Variants in CASR observed in about 807,000 individuals in gnomAD.
CASR encodes calcium sensing receptor.
In CASR, 23 loss-of-function variants were observed where a neutral mutation model predicts 69.1. That is an observed-to-expected ratio of 0.33 (90% CI 0.24 to 0.47). The LOEUF is 0.47. Ranked by LOEUF, CASR falls within the 20% of genes least tolerant of loss-of-function variation. The pLI, the probability that CASR is intolerant of heterozygous loss-of-function variation, is 1.00. For synonymous variants in CASR, 541 were observed against 544.7 expected, an observed-to-expected ratio of 0.99 and a Z score of 0.10; for missense variants, 924 against 1,356.1, an observed-to-expected ratio of 0.68 and a Z score of 5.00.
At chr3:122,245,884 G>T (rs1379534372) in intron 1 of CASR, among the ~76,000 whole-genome samples, 1 of 152,166 alleles carries the variant, frequency 6.6e-6, no homozygotes, top group Non-Finnish European at 1.5e-5. Flanking sequence ...TGCTGTAATT[G>T]AAAGTAAGTT....
At chr3:122,219,639 G>A (rs1196403008) in intron 1 of CASR, among the ~76,000 whole-genome samples, 6 of 152,240 alleles carry the variant, frequency 3.9e-5, no homozygotes, top group South Asian at 4.1e-4. Flanking sequence ...ACCTGGGTGA[G>A]GGTAGAGCTG....
chr3:122,237,786 A>C (rs2074342538), intron 1 of CASR, among the ~76,000 whole-genome samples: 2 of 152,246 alleles, frequency 1.3e-5, no homozygotes, highest in Non-Finnish European at 2.9e-5. Flanking sequence ...GGCAGTACCA[A>C]GGGTGGACAA....
At chr3:122,223,356 A>G (rs1408873748) in intron 1 of CASR, among the ~76,000 whole-genome samples, 3 of 152,234 alleles carry the variant, frequency 2.0e-5, no homozygotes, top group Non-Finnish European at 4.4e-5. Flanking sequence ...ATTGGAAATG[A>G]CAAAAGTGAC....
chr3:122,285,801 AT>A lies in CASR; in HGVS notation c.*612del, dbSNP rs1486944022. On this transcript the variant is annotated 3_prime_UTR_variant, in exon 7 of 7. Transcript: ENST00000639785. ...GACATGATACTGATGCCATGTTTAG[AT>A]TCCAGGATCACAAGAATCACCTCAA... The A allele has an allele frequency of 6.4e-6, 1 of 156,632 alleles. No homozygotes were observed. The highest frequency in any genetic ancestry group is 1.4e-5 in the Non-Finnish European group (1 of 70,354). 9.7% of individuals were successfully genotyped at this position (156,632 alleles called of 1,614,324 possible). A position where few individuals can be genotyped will look rare whatever the true frequency, so the allele number is the denominator to read the frequency against.
intron 1 of CASR, among the ~76,000 whole-genome samples, chr3:122,242,492 T>A (rs1381499328): frequency 6.6e-6 from 1 of 151,944 alleles, no homozygotes; most frequent in Non-Finnish European, 1.5e-5. Context: ...ATCTCTACAA[T>A]GAAAACTATA....
chr3:122,239,689 G>A (rs369620129), intron 1 of CASR, among the ~76,000 whole-genome samples: 18 of 152,214 alleles, frequency 1.2e-4, no homozygotes, highest in East Asian at 5.8e-4. Flanking sequence ...TTGTGTCACC[G>A]CACCTCCAGC....
At chr3:122,270,275 A>G (rs1466927418) in intron 4 of CASR, among the ~76,000 whole-genome samples, 1 of 152,236 alleles carries the variant, frequency 6.6e-6, no homozygotes, top group Non-Finnish European at 1.5e-5. Flanking sequence ...ATTTACTGGC[A>G]TAAGTTTATT....
intron 5 of CASR, among the ~76,000 whole-genome samples, chr3:122,279,828 T>C (rs1004641717): frequency 2.6e-5 from 4 of 152,166 alleles, no homozygotes; most frequent in South Asian, 2.1e-4. Context: ...CTGGGGTACA[T>C]GTGCAGGATG....
Position 122,224,447 on chromosome 3 carries a change from C to A in CASR, c.-242-29501C>A, listed in dbSNP as rs748101696. Among the ~76,000 whole-genome samples, 4 of 151,866 alleles carry A rather than the reference C, an allele frequency of 2.6e-5. No homozygotes were observed. The East Asian group carries it at 7.7e-4, about 29-fold the overall frequency. On this transcript the variant is annotated intron_variant, in intron 1 of 6. Coordinates refer to ENST00000639785, the MANE Select transcript of CASR (RefSeq NM_000388.4). ...AGAACACAATTCCACGTACAATAGC[C>A]GCAAAAAGAAGAAAATGCCTAGGAA...
intron 4 of CASR, among the ~76,000 whole-genome samples, chr3:122,263,566 C>T (rs1049658073): frequency 6.6e-6 from 1 of 152,208 alleles, no homozygotes; most frequent in East Asian, 1.9e-4. Context: ...CACCACAAAC[C>T]CTTTGGGAAG....
intron 5 of CASR, among the ~76,000 whole-genome samples, chr3:122,277,845 A>G (rs1478832847): frequency 6.6e-6 from 1 of 152,204 alleles, no homozygotes; most frequent in Non-Finnish European, 1.5e-5. Flanking sequence ...CTCCCAGGCT[A>G]TGTACATCAT....
rs2074149187 is a variant in CASR at position 122,219,378 on chromosome 3, T to C, written c.-242-34570T>C. On this transcript the variant is annotated intron_variant, in intron 1 of 6. Coordinates refer to ENST00000639785, the MANE Select transcript of CASR (RefSeq NM_000388.4). ...AATGACCCCTAAAGAAGTGGTGGCA[T>C]GATTCCGTTGCATAAGTTGACAGCC... 2.0e-5 allele frequency among the ~76,000 whole-genome samples: 3 copies of C among 152,168 alleles called. No individual in the cohort carries two copies. The South Asian group carries it at 6.2e-4, about 32-fold the overall frequency.
At chr3:122,276,877 G>A (rs2074827690) in intron 5 of CASR, among the ~76,000 whole-genome samples, 2 of 152,112 alleles carry the variant, frequency 1.3e-5, no homozygotes. Context: ...ATTCTATGAT[G>A]TTTGTGTCCT....
chr3:122,225,631 T>C (rs1254273744), intron 1 of CASR, among the ~76,000 whole-genome samples: 4 of 150,626 alleles, frequency 2.7e-5, no homozygotes, highest in Admixed American at 6.6e-5. Flanking sequence ...GGTGAGAATG[T>C]AAATTAATTT....
intron 1 of CASR, among the ~76,000 whole-genome samples, chr3:122,217,229 G>T (rs1429871581): frequency 1.3e-5 from 2 of 152,040 alleles, no homozygotes; most frequent in Non-Finnish European, 2.9e-5. Context: ...CTCCTGAGTA[G>T]CTGGGACTAC....
At chr3:122,254,527 C>T (rs766213548) in intron 2 of CASR, among the ~76,000 whole-genome samples, 153 bp downstream of exon 2, 5 of 152,286 alleles carry the variant, frequency 3.3e-5, no homozygotes, top group East Asian at 1.9e-4. Context: ...GCCCCCACAA[C>T]CTGCCTTTTT....
Position 122,284,714 on chromosome 3 carries a change from C to G in CASR, c.2760C>G (p.Ser920Arg), listed in dbSNP as rs749958063. 2 of 1,614,094 alleles carry G rather than the reference C, an allele frequency of 1.2e-6. No homozygotes were observed. The highest frequency in any genetic ancestry group is 1.7e-6 in the Non-Finnish European group (2 of 1,179,938). ...PSSSISSKSN[S>R]EDPFPQPERQ... ...CCTCCATCAGCAGCAAGAGCAACAG[C>G]GAAGACCCATTCCCACAGCCCGAGA... The change falls in exon 7 of 7, where the codon AGC becomes AGG. Residue 920 changes from serine (S) to arginine (R), a missense_variant. By Grantham distance (110) the Ser-to-Arg change is moderately radical. Coordinates refer to ENST00000639785, the MANE Select transcript of CASR (RefSeq NM_000388.4).
intron 1 of CASR, among the ~76,000 whole-genome samples, chr3:122,211,902 A>G (rs1203132946): frequency 6.6e-6 from 1 of 152,174 alleles, no homozygotes; most frequent in Non-Finnish European, 1.5e-5. Flanking sequence ...TTAAAAAGTA[A>G]AGAAACAACA....
rs576654780 is a variant in CASR, at chr3:122,214,326, C to G, written c.-243+30514C>G. On this transcript the variant is annotated intron_variant, in intron 1 of 6. Coordinates refer to ENST00000639785, the MANE Select transcript of CASR (RefSeq NM_000388.4). ...ATATGCCACAGTGGCTATATAGTAT[C>G]TCAAGGTGGCGGGGGTGGGGGGCAG... Among the ~76,000 whole-genome samples, 36 of 147,210 alleles carry G rather than the reference C, an allele frequency of 2.4e-4. No individual in the cohort carries two copies. In the South Asian group the frequency reaches 6.2e-3, roughly 26 times the overall value.
Sources: gnomAD v4.1 joint callset for allele counts (sites outside exome capture counted in the v4.1 genomes callset) on GRCh38, gnomAD v4.1.1 for gene constraint, MANE v1.5 for transcripts, NCBI Gene and HGNC (gene_info 2026-07-23, HGNC 2026-07-21) for gene names.